Variants in RORA observed in about 807,000 individuals in gnomAD.
The protein encoded by RORA is RAR related orphan receptor A, also known as nuclear receptor ROR-alpha.
In RORA, 7 loss-of-function variants were observed where a neutral mutation model predicts 69.5. The ratio of observed to expected loss-of-function variants is 0.10; its 90% CI spans 0.06 to 0.19. The LOEUF (loss-of-function observed/expected upper bound fraction) is 0.19, where lower values mean the gene tolerates loss of function less well. RORA is among the 10% of genes least tolerant of loss of function. The pLI is 1.00. For missense variants in RORA, 457 were observed against 663.0 expected (o/e 0.69, Z 3.41); for synonymous variants, 261 against 240.8 (o/e 1.08, Z -0.78).
chr15:60,604,173 T>C (rs964688656), intron 2 of RORA, among the ~76,000 whole-genome samples: 10 of 121,026 alleles, frequency 8.3e-5, no homozygotes, highest in African/African-American at 2.8e-4. Context: ...ATTAGAAAAA[T>C]ATGGCATTGA....
At chr15:61,158,605 T>C (rs1415602988) in intron 1 of RORA, among the ~76,000 whole-genome samples, 3 of 152,194 alleles carry the variant, frequency 2.0e-5, no homozygotes, top group Admixed American at 6.5e-5. Flanking sequence ...TTTACAAGTG[T>C]CCACTTATTT....
chr15:60,551,612 T>C (rs1040667220), intron 2 of RORA, among the ~76,000 whole-genome samples: 1 of 152,218 alleles, frequency 6.6e-6, no homozygotes, highest in Non-Finnish European at 1.5e-5. Flanking sequence ...TCCTCTTTCC[T>C]GGTCTGAAAC....
At chr15:60,608,098 A>G (rs565594888) in intron 2 of RORA, among the ~76,000 whole-genome samples, 6 of 152,196 alleles carry the variant, frequency 3.9e-5, no homozygotes, top group Non-Finnish European at 8.8e-5. Flanking sequence ...CTAGATCCAC[A>G]TCGTACAGAC....
intron 1 of RORA, among the ~76,000 whole-genome samples, chr15:60,688,260 GA>G (rs977268125): frequency 6.0e-5 from 9 of 148,984 alleles, no homozygotes; most frequent in South Asian, 2.1e-4. Flanking sequence ...GTCAAAAAAG[GA>G]AAAAAAAATG....
At chr15:61,012,467 T>C (rs1214085550) in intron 1 of RORA, among the ~76,000 whole-genome samples, 1 of 152,242 alleles carries the variant, frequency 6.6e-6, no homozygotes, top group African/African-American at 2.4e-5. Flanking sequence ...CAGATGAATT[T>C]GTAAGCCACC....
intron 1 of RORA, among the ~76,000 whole-genome samples, chr15:60,773,112 C>T (rs2072102731): frequency 6.6e-6 from 1 of 152,150 alleles, no homozygotes; most frequent in Non-Finnish European, 1.5e-5. Context: ...GAAAACCTCC[C>T]TTGACAGCTC....
At chr15:60,799,279 G>A (rs911540828) in intron 1 of RORA, among the ~76,000 whole-genome samples, 1 of 152,168 alleles carries the variant, frequency 6.6e-6, no homozygotes, top group African/African-American at 2.4e-5. Context: ...AGGGGGAACC[G>A]CTATAAACCA....
At chr15:60,714,796 A>C (rs1014089993) in intron 1 of RORA, among the ~76,000 whole-genome samples, 1 of 152,146 alleles carries the variant, frequency 6.6e-6, no homozygotes, top group African/African-American at 2.4e-5. Flanking sequence ...ACCATCTAAG[A>C]ACATTGCTGC....
intron 2 of RORA, among the ~76,000 whole-genome samples, chr15:60,665,727 T>G (rs1421299275): frequency 6.6e-6 from 1 of 152,196 alleles, no homozygotes; most frequent in Non-Finnish European, 1.5e-5. Flanking sequence ...AGTCTCGCTG[T>G]GCAGTGGTGT....
intron 2 of RORA, among the ~76,000 whole-genome samples, chr15:60,564,006 C>G (rs1340401043): frequency 6.6e-6 from 1 of 152,170 alleles, no homozygotes; most frequent in African/African-American, 2.4e-5. Flanking sequence ...TTGACTTGAG[C>G]ACACTTCTCA....
At chr15:60,674,858 C>T (rs2070529982) in intron 2 of RORA, among the ~76,000 whole-genome samples, 1 of 152,126 alleles carries the variant, frequency 6.6e-6, no homozygotes, top group African/African-American at 2.4e-5. Context: ...ATCTGTCCCT[C>T]AGTGTGGGAG....
At chr15:60,591,284 G>T (rs1392995182) in intron 2 of RORA, among the ~76,000 whole-genome samples, 2 of 152,096 alleles carry the variant, frequency 1.3e-5, no homozygotes, top group Non-Finnish European at 2.9e-5. Context: ...GAACCTGCGG[G>T]CGCACAAGCG....
intron 2 of RORA, among the ~76,000 whole-genome samples, chr15:60,535,391 A>G (rs1261659149): frequency 6.6e-6 from 1 of 152,160 alleles, no homozygotes; most frequent in Non-Finnish European, 1.5e-5. Flanking sequence ...TTGCTCTCTC[A>G]TGCACCCTGT....
At chr15:60,986,615 G>A (rs1225281168) in intron 1 of RORA, among the ~76,000 whole-genome samples, 1 of 152,210 alleles carries the variant, frequency 6.6e-6, no homozygotes, top group Non-Finnish European at 1.5e-5. Context: ...ATCAGGGACA[G>A]GGTGAAGGCT....
In RORA at chr15:60,493,506, G is replaced by T. The variant is rs1432604223; in HGVS notation, c.*3949C>A. 6.6e-6 allele frequency: 1 copy of T among 152,100 alleles called. No homozygotes were observed. Among genetic ancestry groups the T allele is most frequent in the East Asian group, 1.9e-4 (1 of 5,188 alleles). 9.4% of individuals were successfully genotyped at this position (152,100 alleles called of 1,614,324 possible). A position where few individuals can be genotyped will look rare whatever the true frequency, so the allele number is the denominator to read the frequency against. On this transcript the variant is annotated 3_prime_UTR_variant, in exon 11 of 11. Coordinates refer to ENST00000335670, the MANE Select transcript of RORA (RefSeq NM_134261.3). ...TACTACTAGGTTGTTTTGCATTTTG[G>T]AATGTCGGAACACAACAACTAGCTA...
chr15:60,511,300 G>C lies in RORA; in HGVS notation c.746C>G (p.Pro249Arg), dbSNP rs200449241. 1.9e-6 allele frequency: 3 copies of C among 1,614,148 alleles called. No individual in the cohort carries two copies. The highest frequency in any genetic ancestry group is 2.5e-6 in the Non-Finnish European group (3 of 1,180,000). ...IKPEPICDYT[P>R]ASGFFPYCSF... ...ACAGTAGGGAAAGAAGCCTGATGCTGGTGTGTAGTCACATATTGGTTCTGG... is the reference window on the plus strand; with the variant it reads ...ACAGTAGGGAAAGAAGCCTGATGCTCGTGTGTAGTCACATATTGGTTCTGG... Residue 249 changes from proline (P) to arginine (R), a missense_variant, in exon 5 of 11, where the codon CCA (proline) becomes CGA (arginine). By Grantham distance (103) the Pro-to-Arg change is moderately radical (BLOSUM62 -2). This residue lies in a region of RORA where 304 missense variants were observed against 447.4 expected (regional missense o/e 0.68). Coordinates refer to ENST00000335670, the MANE Select transcript of RORA (RefSeq NM_134261.3). The surrounding 1 kb of genome is among the most constrained non-coding windows in gnomAD (Gnocchi z 6.4).
rs143628368 is a variant in RORA at position 60,542,834 on chromosome 15, G to A, written c.197-10983C>T. Among the ~76,000 whole-genome samples, 4 of 150,358 alleles carry A rather than the reference G, an allele frequency of 2.7e-5. No individual in the cohort carries two copies. The East Asian group carries it at 7.9e-4, about 30-fold the overall frequency. ...CTGCATGACTGGGCACCAAGGATACGGCACACACACGCACCCACCCCACAT... is the reference window on the plus strand; with the variant it reads ...CTGCATGACTGGGCACCAAGGATACAGCACACACACGCACCCACCCCACAT... On this transcript the variant is annotated intron_variant, in intron 2 of 10. Transcript: ENST00000335670.
At chr15:60,890,375 A>G (rs1035466186) in intron 1 of RORA, among the ~76,000 whole-genome samples, 13 of 152,250 alleles carry the variant, frequency 8.5e-5, no homozygotes, top group African/African-American at 3.1e-4. Context: ...TGCAGAGTAC[A>G]CAAATTTTAA....
intron 1 of RORA, among the ~76,000 whole-genome samples, chr15:60,913,225 G>T (rs1023901070): frequency 3.3e-5 from 5 of 152,252 alleles, no homozygotes; most frequent in South Asian, 4.2e-4. Flanking sequence ...TCGTGCTCAG[G>T]CTCAGGGAGG....
Sources: allele counts gnomAD v4.1 joint callset (sites outside exome capture counted in the v4.1 genomes callset), GRCh38; gene constraint gnomAD v4.1.1; regional missense constraint gnomAD v4.1.1; non-coding constraint Gnocchi (gnomAD v3.1); transcripts MANE v1.5; gene names NCBI Gene and HGNC (gene_info 2026-07-23, HGNC 2026-07-21).